Variants in UBE2D1 observed in about 807,000 individuals in gnomAD.
UBE2D1 encodes ubiquitin conjugating enzyme E2 D1.
A neutral mutation model predicts 24.6 loss-of-function variants in UBE2D1; 9 were observed. The observed-to-expected ratio is 0.37, with a 90% confidence interval of 0.22 to 0.64. The LOEUF is 0.64. Among genes scored for constraint, UBE2D1 ranks in the 30% least tolerant of loss-of-function variants. The pLI, the probability that UBE2D1 is intolerant of heterozygous loss-of-function variation, is 0.64. For missense variants in UBE2D1, 87 were observed against 177.1 expected (o/e 0.49, Z 2.89); for synonymous variants, 57 against 57.6 (o/e 0.99, Z 0.04).
intron 1 of UBE2D1, among the ~76,000 whole-genome samples, chr10:58,337,640 T>C (rs1052548009): frequency 9.9e-5 from 15 of 151,936 alleles, no homozygotes; most frequent in Admixed American, 3.9e-4. Flanking sequence ...TAGTAGAGGG[T>C]ACAAGCAGGG....
rs774396274 is a variant in UBE2D1 at position 58,347,639 on chromosome 10, C to CTT, written c.24+12433_24+12434dup. Among the ~76,000 whole-genome samples the CTT allele has an allele frequency of 2.0e-3, 236 of 116,172 alleles. 4 individuals carry two copies. Among genetic ancestry groups the CTT allele is most frequent in the African/African-American group, 4.7e-3 (138 of 29,338 alleles). The allele number at this position is 116,172 out of a possible 152,430, so 76.2% of individuals were successfully genotyped here. A position where few individuals can be genotyped will look rare whatever the true frequency, so the allele number is the denominator to read the frequency against. Reference sequence around the variant, plus strand: ...TCAAGCTTTTATTCTAAATTACACTCTTTTTTTTTTTTTTTTTTTTGCCCC... The same window carrying CTT: ...TCAAGCTTTTATTCTAAATTACACTCTTTTTTTTTTTTTTTTTTTTTTGCCCC... On this transcript the variant is annotated intron_variant, in intron 1 of 6. Transcript: ENST00000373910.
At chr10:58,356,737 G>A (rs981540283) in intron 1 of UBE2D1, among the ~76,000 whole-genome samples, 2 of 152,282 alleles carry the variant, frequency 1.3e-5, no homozygotes, top group South Asian at 2.1e-4. Flanking sequence ...TGGAAGTATT[G>A]TAATTGACAA....
At chr10:58,356,494 G>T (rs1840132448) in intron 1 of UBE2D1, among the ~76,000 whole-genome samples, 1 of 152,000 alleles carries the variant, frequency 6.6e-6, no homozygotes, top group South Asian at 2.1e-4. Context: ...CTTATTGATG[G>T]ACCTTTAGGT....
chr10:58,357,763 C>A (rs528989301), intron 1 of UBE2D1, among the ~76,000 whole-genome samples: 12 of 152,126 alleles, frequency 7.9e-5, no homozygotes, highest in Admixed American at 3.9e-4. Context: ...GAATCTAGAC[C>A]CTCCTAAAAA....
chr10:58,339,599 A>C (rs1839941245), intron 1 of UBE2D1, among the ~76,000 whole-genome samples: 1 of 152,168 alleles, frequency 6.6e-6, no homozygotes, highest in African/African-American at 2.4e-5. Context: ...AATTGACTTA[A>C]TTCTTAGTAT....
chr10:58,361,675 G>T, intron 3 of UBE2D1, 149 bp downstream of exon 3: 3 of 1,121,312 alleles, frequency 2.7e-6, no homozygotes, highest in Non-Finnish European at 3.8e-6. Context: ...GATTTACAAT[G>T]ATTTTCCAAA....
chr10:58,356,354 G>T (rs1376932957), intron 1 of UBE2D1, among the ~76,000 whole-genome samples: 1 of 151,920 alleles, frequency 6.6e-6, no homozygotes, highest in South Asian at 2.1e-4. Context: ...TGTAACTTGT[G>T]TTTTTCATTC....
intron 4 of UBE2D1, 88 bp from the exon 5 acceptor site, chr10:58,364,683 T>C (rs1448780355): frequency 2.3e-6 from 2 of 858,194 alleles, no homozygotes; most frequent in African/African-American, 1.7e-5. Context: ...AAGTTGAGGA[T>C]ATTTTACCCT....
At chr10:58,339,721 G>A (rs552917749) in intron 1 of UBE2D1, among the ~76,000 whole-genome samples, 18 of 150,824 alleles carry the variant, frequency 1.2e-4, no homozygotes, top group Admixed American at 1.1e-3. Flanking sequence ...ACAATGCTAC[G>A]ATTCCAAAAC....
chr10:58,361,583 A>G, intron 3 of UBE2D1, 57 bp downstream of exon 3: 2 of 1,606,960 alleles, frequency 1.2e-6, no homozygotes, highest in Non-Finnish European at 1.7e-6. Flanking sequence ...CATTCTTGCC[A>G]TTTCACCTTT....
intron 1 of UBE2D1, 137 bp downstream of exon 1, chr10:58,335,362 C>A: frequency 9.0e-7 from 1 of 1,106,882 alleles, no homozygotes; most frequent in Non-Finnish European, 1.2e-6. Context: ...GAGCTGAAGG[C>A]TCGGGCCGGG....
At chr10:58,361,796 T>C (rs941059456) in intron 3 of UBE2D1, among the ~76,000 whole-genome samples, 2 of 135,216 alleles carry the variant, frequency 1.5e-5, no homozygotes, top group African/African-American at 2.9e-5. Flanking sequence ...TGTGTTTATC[T>C]TTTTTTTTTT....
chr10:58,368,410 A>G (rs1204169832), intron 6 of UBE2D1: 3 of 266,528 alleles, frequency 1.1e-5, no homozygotes, highest in African/African-American at 6.6e-5. Flanking sequence ...CTGTAGGTTC[A>G]TTTGCAATTT....
At chr10:58,353,461 A>G (rs960000183) in intron 1 of UBE2D1, among the ~76,000 whole-genome samples, 7 of 152,118 alleles carry the variant, frequency 4.6e-5, no homozygotes, top group African/African-American at 1.7e-4. Flanking sequence ...ACAAACCCCT[A>G]ACTCCCCTTG....
chr10:58,358,685 C>T (rs910491361), intron 1 of UBE2D1, among the ~76,000 whole-genome samples: 1 of 152,102 alleles, frequency 6.6e-6, no homozygotes, highest in Non-Finnish European at 1.5e-5. Flanking sequence ...GGCACCCAGA[C>T]TTGAACTTCA....
In UBE2D1 at chr10:58,342,255, A is replaced by G. The variant is rs975484668; in HGVS notation, c.24+7030A>G. On this transcript the variant is annotated intron_variant, in intron 1 of 6. Coordinates refer to ENST00000373910, the MANE Select transcript of UBE2D1 (RefSeq NM_003338.5). ...ATCCTCTTGTCTTACCTCTTTCTGG[A>G]TGTATTTCCCACTGTCCTCTATTCA... Among the ~76,000 whole-genome samples, 5 of 152,010 alleles carry G rather than the reference A, an allele frequency of 3.3e-5. No homozygotes were observed. The East Asian group carries it at 7.7e-4, about 23-fold the overall frequency.
At chr10:58,356,187 T>C (rs1333678997) in intron 1 of UBE2D1, among the ~76,000 whole-genome samples, 3 of 152,132 alleles carry the variant, frequency 2.0e-5, no homozygotes, top group African/African-American at 7.2e-5. Context: ...AAAAGTATTA[T>C]AAAAAATTAA....
At chr10:58,354,715 G>C (rs1231546644) in intron 1 of UBE2D1, among the ~76,000 whole-genome samples, 2 of 151,996 alleles carry the variant, frequency 1.3e-5, no homozygotes, top group Non-Finnish European at 2.9e-5. Context: ...CATGCCTGTA[G>C]TCCCAGCTAC....
intron 1 of UBE2D1, among the ~76,000 whole-genome samples, chr10:58,353,777 T>C (rs1403117080): frequency 6.6e-6 from 1 of 152,250 alleles, no homozygotes; most frequent in Non-Finnish European, 1.5e-5. Context: ...ACACCTGTTA[T>C]ACTTTTTACC....
Sources: allele counts gnomAD v4.1 joint callset (sites outside exome capture counted in the v4.1 genomes callset), GRCh38; gene constraint gnomAD v4.1.1; transcripts MANE v1.5; gene names NCBI Gene and HGNC (gene_info 2026-07-23, HGNC 2026-07-21).